The following AIG1 variants were observed in gnomAD, a reference collection of about 807,000 sequenced individuals.
The protein encoded by AIG1 is androgen induced 1, also known as androgen-induced gene 1 protein.
A neutral mutation model predicts 31.4 loss-of-function variants in AIG1; 23 were observed. That is an observed-to-expected ratio of 0.73 (90% CI 0.53 to 1.04). The LOEUF (loss-of-function observed/expected upper bound fraction) is 1.04. AIG1 is among the 50% of genes least tolerant of loss of function. The pLI is 0.00. For synonymous variants in AIG1, 100 were observed against 110.5 expected, an observed-to-expected ratio of 0.90 and a Z score of 0.60; for missense variants, 274 against 295.0, an observed-to-expected ratio of 0.93 and a Z score of 0.52.
In AIG1 at chr6:143,093,226, T is replaced by G. The variant is rs183036985; in HGVS notation, c.141+32160T>G. Among the ~76,000 whole-genome samples, 4 of 152,294 alleles carry G rather than the reference T, an allele frequency of 2.6e-5. No homozygotes were observed. In the East Asian group the frequency reaches 7.7e-4, roughly 29 times the overall value. On this transcript the variant is annotated intron_variant, in intron 1 of 5. Coordinates refer to ENST00000357847, the MANE Select transcript of AIG1 (RefSeq NM_016108.4). ...CAGTCATCTTCAGCAATGATCTTAG[T>G]TGGATCTTCTGTATAACTTGCTGCA...
intron 3 of AIG1, among the ~76,000 whole-genome samples, chr6:143,197,680 T>C (rs1790365871): frequency 6.6e-6 from 1 of 152,196 alleles, no homozygotes; most frequent in Admixed American, 6.5e-5. Context: ...TCTAGTCCCT[T>C]ATTTCCAGGT....
intron 3 of AIG1, among the ~76,000 whole-genome samples, chr6:143,238,000 G>T (rs982309818): frequency 6.6e-6 from 1 of 152,060 alleles, no homozygotes; most frequent in African/African-American, 2.4e-5. Flanking sequence ...GAGTGCAGTG[G>T]CACGATCTCA....
chr6:143,171,275 T>C (rs918446964), intron 3 of AIG1, among the ~76,000 whole-genome samples: 81 of 150,784 alleles, frequency 5.4e-4, no homozygotes, highest in Middle Eastern at 3.4e-3. Context: ...CCACTCATGA[T>C]TGAGAACATA....
upstream of AIG1, among the ~76,000 whole-genome samples, chr6:143,059,614 A>C (rs1400458287): frequency 6.6e-6 from 1 of 152,160 alleles, no homozygotes; most frequent in African/African-American, 2.4e-5. Flanking sequence ...AATGCCAATT[A>C]AAAAAATCTA....
chr6:143,171,432 A>ATATATAT (rs1787530487), intron 3 of AIG1, among the ~76,000 whole-genome samples: 1 of 89,154 alleles, frequency 1.1e-5, no homozygotes, highest in Admixed American at 1.5e-4. Flanking sequence ...AATATATATA[A>ATATATAT]TATATATATA....
At chr6:143,090,295 T>TTCTA (rs61561583) in intron 1 of AIG1, among the ~76,000 whole-genome samples, 2 of 151,924 alleles carry the variant, frequency 1.3e-5, no homozygotes, top group South Asian at 4.1e-4. Context: ...CTATCTGTCT[T>TTCTA]TCTATCTATC....
At chr6:143,302,025 C>T (rs1562571695) in intron 4 of AIG1, among the ~76,000 whole-genome samples, 1 of 151,898 alleles carries the variant, frequency 6.6e-6, no homozygotes, top group Non-Finnish European at 1.5e-5. Flanking sequence ...TATTATTGCC[C>T]TGGAGACAAA....
intron 2 of AIG1, among the ~76,000 whole-genome samples, chr6:143,142,512 G>A (rs143893637): frequency 3.3e-5 from 5 of 152,312 alleles, no homozygotes; most frequent in Non-Finnish European, 7.3e-5. Context: ...TCTAGCCCCA[G>A]TGCTGGTCTG....
At chr6:143,063,587 T>G (rs1234483373) in intron 1 of AIG1, among the ~76,000 whole-genome samples, 3 of 152,262 alleles carry the variant, frequency 2.0e-5, no homozygotes, top group Non-Finnish European at 4.4e-5. Context: ...TTAGCCATTT[T>G]ACTTTTCACT....
At chr6:143,126,568 ATT>A (rs1282891849) in intron 1 of AIG1, among the ~76,000 whole-genome samples, 2 of 152,198 alleles carry the variant, frequency 1.3e-5, no homozygotes, top group Non-Finnish European at 2.9e-5. Flanking sequence ...TAGAACTGCT[ATT>A]TTATGGCTCT....
rs964252637 is a variant in AIG1 at position 143,329,711 on chromosome 6, A to G, written c.516-3571A>G. The stretch of plus-strand genomic sequence containing the variant: ...TTGTTTGTTTGTTTTATGACTCAAA[A>G]GCTAAGAATGGTTTTCACATTTTTA... On this transcript the variant is annotated intron_variant, in intron 4 of 5. Transcript: ENST00000357847. This position sits in a 1 kb window ranked among gnomAD's most constrained non-coding sequence, Gnocchi z 4.9. Among the ~76,000 whole-genome samples the G allele has an allele frequency of 6.6e-6, 1 of 152,230 alleles. No homozygotes were observed. Among genetic ancestry groups the G allele is most frequent in the Admixed American group, 6.5e-5 (1 of 15,274 alleles).
chr6:143,102,520 A>G (rs1780386250), intron 1 of AIG1, among the ~76,000 whole-genome samples: 1 of 147,558 alleles, frequency 6.8e-6, no homozygotes, highest in Non-Finnish European at 1.5e-5. Context: ...AATATATAAT[A>G]TAATATGTAA....
In AIG1 at chr6:143,328,551, T is replaced by G. The variant is rs1776796101; in HGVS notation, c.516-4731T>G. 6.6e-6 allele frequency among the ~76,000 whole-genome samples: 1 copy of G among 152,236 alleles called. No homozygotes were observed. Among genetic ancestry groups the G allele is most frequent in the Admixed American group, 6.5e-5 (1 of 15,286 alleles). On this transcript the variant is annotated intron_variant, in intron 4 of 5. Transcript: ENST00000357847. This position sits in a 1 kb window ranked among gnomAD's most constrained non-coding sequence, Gnocchi z 4.0. ...CTTGTAATTCTTAATTATCTGTGTT[T>G]CTCATTACACTGTACTCCATGAGGA...
chr6:143,106,132 C>T (rs1468282480), intron 1 of AIG1, among the ~76,000 whole-genome samples: 1 of 152,100 alleles, frequency 6.6e-6, no homozygotes, highest in Non-Finnish European at 1.5e-5. Flanking sequence ...GTAGGGCAGG[C>T]CCTGAATCTG....
At position 143,288,245 on chromosome 6, in the gene AIG1, T is replaced by C. The variant is rs1294992944; in HGVS notation, c.515+4020T>C. 4.6e-5 allele frequency among the ~76,000 whole-genome samples: 7 copies of C among 152,174 alleles called. No homozygotes were observed. The highest frequency in any genetic ancestry group is 1.0e-4 in the Non-Finnish European group (7 of 68,020). ...AGAAAGAGGAAACCAACTCAGACCC[T>C]AGGAAATGTACACCCTCAAAGCTTC... On this transcript the variant is annotated intron_variant, in intron 4 of 5. Coordinates refer to ENST00000357847, the MANE Select transcript of AIG1 (RefSeq NM_016108.4). The surrounding 1 kb of genome is among the most constrained non-coding windows in gnomAD (Gnocchi z 4.4).
At chr6:143,227,485 A>T (rs926346165) in intron 3 of AIG1, among the ~76,000 whole-genome samples, 2 of 152,186 alleles carry the variant, frequency 1.3e-5, no homozygotes, top group Non-Finnish European at 2.9e-5. Flanking sequence ...TGGGGCCTGG[A>T]AAATTCTAAA....
intron 1 of AIG1, among the ~76,000 whole-genome samples, chr6:143,124,120 A>G (rs1337230018): frequency 6.6e-6 from 1 of 152,232 alleles, no homozygotes; most frequent in Non-Finnish European, 1.5e-5. Flanking sequence ...GCTATCATAT[A>G]TAACATCTTT....
chr6:143,088,918 C>T lies in AIG1; in HGVS notation c.141+27852C>T, dbSNP rs145860301. Among the ~76,000 whole-genome samples, 58 of 152,216 alleles carry T rather than the reference C, an allele frequency of 3.8e-4. 1 individual carries two copies. The East Asian group carries it at 4.8e-3, about 13-fold the overall frequency. On this transcript the variant is annotated intron_variant, in intron 1 of 5. Transcript: ENST00000357847. ...TAAAATGATAATTCGTAACATAAGACTTCTTAGCAGTGCCAGGCATGGTGC... is the reference window on the plus strand; with the variant it reads ...TAAAATGATAATTCGTAACATAAGATTTCTTAGCAGTGCCAGGCATGGTGC...
chr6:143,109,053 C>T (rs140295613), intron 1 of AIG1, among the ~76,000 whole-genome samples: 4 of 152,290 alleles, frequency 2.6e-5, no homozygotes, highest in East Asian at 3.9e-4. Context: ...TTCTTCAATT[C>T]TACAGATTTC....
Sources: allele counts gnomAD v4.1 joint callset (sites outside exome capture counted in the v4.1 genomes callset), GRCh38; gene constraint gnomAD v4.1.1; non-coding constraint Gnocchi (gnomAD v3.1); transcripts MANE v1.5; gene names NCBI Gene and HGNC (gene_info 2026-07-23, HGNC 2026-07-21).